The following MYO1D variants were observed in gnomAD, a reference collection of about 807,000 sequenced individuals.
MYO1D encodes the protein unconventional myosin-Id.
Under a neutral mutation model 122.0 loss-of-function variants are expected in MYO1D, and 83 were observed. The observed-to-expected ratio is 0.68, with a 90% CI of 0.57 to 0.82. MYO1D has a LOEUF of 0.82. Among genes scored for constraint, MYO1D ranks in the 40% least tolerant of loss-of-function variants. MYO1D has a pLI of 0.00. For missense variants in MYO1D, 1,157 were observed against 1,269.5 expected (o/e 0.91, Z 1.35); for synonymous variants, 464 against 446.9 (o/e 1.04, Z -0.48).
intron 2 of MYO1D, among the ~76,000 whole-genome samples, chr17:32,779,344 T>C (rs1226884858): frequency 6.6e-6 from 1 of 152,056 alleles, no homozygotes; most frequent in Non-Finnish European, 1.5e-5. Context: ...GGATAAATTA[T>C]GATTCAATTA....
chr17:32,596,868 A>G (rs1167447278), intron 21 of MYO1D, among the ~76,000 whole-genome samples: 1 of 152,252 alleles, frequency 6.6e-6, no homozygotes, highest in African/African-American at 2.4e-5. Context: ...ACGTGAGACC[A>G]TCTGTTTAGT....
At chr17:32,791,660 TA>T (rs2090353103) in intron 1 of MYO1D, among the ~76,000 whole-genome samples, 1 of 152,136 alleles carries the variant, frequency 6.6e-6, no homozygotes, top group Admixed American at 6.5e-5. Context: ...AAACAACTGA[TA>T]AAGAACAAAA....
rs371616394 is a variant in MYO1D, at chr17:32,551,157, A to T, written c.2864+53930T>A. On this transcript the variant is annotated intron_variant, in intron 21 of 21. Transcript: ENST00000318217. Reference sequence around the variant, plus strand: ...AGTGGCTGGTAGCTGATAATGAATGACTTCTAGGGGTGGGGAGCCTGTAGA... The same window carrying T: ...AGTGGCTGGTAGCTGATAATGAATGTCTTCTAGGGGTGGGGAGCCTGTAGA... Among the ~76,000 whole-genome samples the T allele has an allele frequency of 6.8e-4, 104 of 152,262 alleles. 1 individual carries two copies. Among genetic ancestry groups the T allele is most frequent in the African/African-American group, 2.4e-3 (99 of 41,550 alleles).
intron 1 of MYO1D, among the ~76,000 whole-genome samples, chr17:32,806,522 GC>G (rs2090514602): frequency 6.6e-6 from 1 of 151,916 alleles, no homozygotes; most frequent in African/African-American, 2.4e-5. Context: ...ATGCCAGCAC[GC>G]CCAGCTGATC....
At chr17:32,575,693 G>A (rs2087272958) in intron 21 of MYO1D, among the ~76,000 whole-genome samples, 1 of 152,152 alleles carries the variant, frequency 6.6e-6, no homozygotes. Flanking sequence ...ATGTTTCAAT[G>A]GCTCCTGCTT....
intron 21 of MYO1D, among the ~76,000 whole-genome samples, chr17:32,603,825 A>G (rs1006766069): frequency 6.6e-6 from 1 of 152,244 alleles, no homozygotes; most frequent in African/African-American, 2.4e-5. Context: ...GCGCCTGGCC[A>G]CATTCTAAAC....
chr17:32,552,431 T>TCCATCCATCCATCCATCCATCCATCCAC (rs1567887101), intron 21 of MYO1D, among the ~76,000 whole-genome samples: 18 of 151,306 alleles, frequency 1.2e-4, no homozygotes, highest in African/African-American at 4.4e-4. Flanking sequence ...CATCCATCCA[T>TCCATCCATCCATCCATCCATCCATCCAC]CCATCCATCC....
At chr17:32,710,294 A>G (rs942883394) in intron 16 of MYO1D, among the ~76,000 whole-genome samples, 14 of 152,176 alleles carry the variant, frequency 9.2e-5, no homozygotes, top group African/African-American at 3.4e-4. Context: ...CCCTATCTAC[A>G]TACAGGAACT....
rs950423493 is a variant in MYO1D, at chr17:32,527,477, A to C, written c.2865-32562T>G. ...ATCCTGACAGAGGGGCAGAAGCAAG[A>C]CATTTCCTGCGCTTGTCAAAGCTAC... On this transcript the variant is annotated intron_variant, in intron 21 of 21. Coordinates refer to ENST00000318217, the MANE Select transcript of MYO1D (RefSeq NM_015194.3). Among the ~76,000 whole-genome samples, 10 of 152,206 alleles carry C rather than the reference A, an allele frequency of 6.6e-5. No homozygotes were observed. The East Asian group carries it at 1.9e-3, about 29-fold the overall frequency.
chr17:32,629,438 A>G (rs960551715), intron 20 of MYO1D, among the ~76,000 whole-genome samples: 5 of 152,150 alleles, frequency 3.3e-5, no homozygotes, highest in Non-Finnish European at 7.4e-5. Flanking sequence ...GAATCCACTT[A>G]TATTAAAAAG....
chr17:32,617,577 A>T (rs1465882471), intron 20 of MYO1D, among the ~76,000 whole-genome samples: 2 of 152,036 alleles, frequency 1.3e-5, no homozygotes, highest in African/African-American at 4.8e-5. Flanking sequence ...AGCAGCTGAG[A>T]TTACAGGCAC....
intron 20 of MYO1D, among the ~76,000 whole-genome samples, chr17:32,630,386 G>A (rs2087987975): frequency 6.6e-6 from 1 of 152,100 alleles, no homozygotes; most frequent in African/African-American, 2.4e-5. Flanking sequence ...TGTGATGATT[G>A]CACAACTGCA....
chr17:32,509,000 G>T (rs1909594705), intron 21 of MYO1D, among the ~76,000 whole-genome samples: 1 of 152,212 alleles, frequency 6.6e-6, no homozygotes, highest in Non-Finnish European at 1.5e-5. Flanking sequence ...AAAATGACAT[G>T]ATTAAGAAAG....
Position 32,710,762 on chromosome 17 carries a change from A to G in MYO1D, c.2121+1226T>C, listed in dbSNP as rs115815417. On this transcript the variant is annotated intron_variant, in intron 16 of 21. Coordinates refer to ENST00000318217, the MANE Select transcript of MYO1D (RefSeq NM_015194.3). ...AGAAAGTACCAGCTCGAGTAGAAAA[A>G]CAAAGTATGAATAGACAGTTTACAG... 2.5e-3 allele frequency among the ~76,000 whole-genome samples: 375 copies of G among 152,356 alleles called. 4 individuals are homozygous for G. The highest frequency in any genetic ancestry group is 6.9e-3 in the African/African-American group (286 of 41,588).
intron 1 of MYO1D, among the ~76,000 whole-genome samples, chr17:32,870,766 A>T (rs1598171016): frequency 6.6e-6 from 1 of 152,228 alleles, no homozygotes; most frequent in Admixed American, 6.5e-5. Flanking sequence ...GGTTTGCTTC[A>T]CAGCCACTCA....
Position 32,621,131 on chromosome 17 carries a change from G to A in MYO1D, c.2710-15890C>T, listed in dbSNP as rs768674566. Among the ~76,000 whole-genome samples, 6 of 152,106 alleles carry A rather than the reference G, an allele frequency of 3.9e-5. No individual in the cohort carries two copies. In the East Asian group the frequency reaches 9.7e-4, roughly 25 times the overall value. On this transcript the variant is annotated intron_variant, in intron 20 of 21. Transcript: ENST00000318217. ...TGAATAAGCTGTGCTGTGTGCCTGC[G>A]TTTTCACTGTAACCTGTCACATGCG...
intron 1 of MYO1D, among the ~76,000 whole-genome samples, chr17:32,800,498 G>A (rs999903726): frequency 1.3e-4 from 19 of 151,998 alleles, no homozygotes; most frequent in Non-Finnish European, 2.5e-4. Context: ...TAAAAAAGTC[G>A]AACTTAATAG....
In MYO1D at chr17:32,494,689, G is replaced by T. The variant is rs892858073; in HGVS notation, c.*70C>A. The T allele has an allele frequency of 4.2e-5, 62 of 1,487,178 alleles. No individual in the cohort carries two copies. The highest frequency in any genetic ancestry group is 1.9e-5 in the Non-Finnish European group (21 of 1,114,212). 92.1% of individuals were successfully genotyped at this position (1,487,178 alleles called of 1,614,324 possible). On this transcript the variant is annotated 3_prime_UTR_variant, in exon 22 of 22. Transcript: ENST00000318217. ...CAGGTTTCTAGCGGGCATGGGTTGG[G>T]AGGCAGCAGCTGGACTGGGACCCAG... is the stretch of plus-strand genomic sequence containing the variant.
intron 1 of MYO1D, among the ~76,000 whole-genome samples, chr17:32,860,778 G>C (rs2091065540): frequency 6.6e-6 from 1 of 152,192 alleles, no homozygotes; most frequent in Admixed American, 6.5e-5. Flanking sequence ...CTGACTTTCT[G>C]TGTTTCTAAC....
Sources: allele counts gnomAD v4.1 joint callset (sites outside exome capture counted in the v4.1 genomes callset), GRCh38; gene constraint gnomAD v4.1.1; transcripts MANE v1.5; gene names NCBI Gene and HGNC (gene_info 2026-07-23, HGNC 2026-07-21).